Variants in PPM1L observed in about 807,000 individuals in gnomAD.
PPM1L encodes the protein protein phosphatase 1L.
Under a neutral mutation model 31.4 loss-of-function variants are expected in PPM1L, and 13 were observed. That is an observed-to-expected ratio of 0.41 (90% CI 0.27 to 0.66). The LOEUF is 0.66. Ranked by LOEUF, PPM1L falls within the 30% of genes least tolerant of loss-of-function variation. The pLI is 0.29. For synonymous variants in PPM1L, 184 were observed against 175.4 expected, an observed-to-expected ratio of 1.05 and a Z score of -0.39; for missense variants, 326 against 453.7, an observed-to-expected ratio of 0.72 and a Z score of 2.56.
At chr3:160,940,561 G>A (rs1448382072) in intron 1 of PPM1L, among the ~76,000 whole-genome samples, 1 of 152,222 alleles carries the variant, frequency 6.6e-6, no homozygotes, top group Non-Finnish European at 1.5e-5. Flanking sequence ...TACAGCTCGG[G>A]CTGTGGCTTC....
chr3:161,013,875 G>C (rs1008628406), intron 2 of PPM1L, among the ~76,000 whole-genome samples: 2 of 151,966 alleles, frequency 1.3e-5, no homozygotes, highest in Non-Finnish European at 2.9e-5. Flanking sequence ...CATTTGCTTG[G>C]TAGATCTTCC....
chr3:160,950,936 A>G (rs1267575552), intron 1 of PPM1L, among the ~76,000 whole-genome samples: 2 of 152,242 alleles, frequency 1.3e-5, no homozygotes, highest in Non-Finnish European at 2.9e-5. Context: ...TCTATAGCCC[A>G]AGATTCAGAA....
intron 2 of PPM1L, among the ~76,000 whole-genome samples, chr3:161,023,785 C>T (rs965072495): frequency 6.6e-6 from 1 of 152,010 alleles, no homozygotes; most frequent in African/African-American, 2.4e-5. Context: ...GTGTATGGGC[C>T]GTACTTTCCT....
At chr3:160,798,834 G>A (rs1712340404) in intron 1 of PPM1L, among the ~76,000 whole-genome samples, 1 of 152,174 alleles carries the variant, frequency 6.6e-6, no homozygotes, top group Non-Finnish European at 1.5e-5. Context: ...ATGGATCTGG[G>A]CAAAGCACAT....
chr3:160,871,761 C>CT (rs552676430), intron 1 of PPM1L, among the ~76,000 whole-genome samples: 354 of 147,716 alleles, frequency 2.4e-3, no homozygotes, highest in South Asian at 0.017. Context: ...TGTCTCCTTC[C>CT]TTTTTTTTTT....
intron 1 of PPM1L, among the ~76,000 whole-genome samples, chr3:160,891,941 A>G (rs141420236): frequency 0.01 from 1,570 of 152,296 alleles, 27 homozygotes; most frequent in African/African-American, 0.036. Context: ...CTGGGAGTTG[A>G]ATAATGAGAA....
At chr3:160,862,656 G>GCA (rs1201721869) in intron 1 of PPM1L, among the ~76,000 whole-genome samples, 4 of 82,322 alleles carry the variant, frequency 4.9e-5, no homozygotes, top group South Asian at 4.9e-4. Flanking sequence ...CTAATCCTAG[G>GCA]CACACGCACA....
At chr3:161,063,080 A>AT (rs1022181666) in intron 2 of PPM1L, among the ~76,000 whole-genome samples, 21 of 152,176 alleles carry the variant, frequency 1.4e-4, no homozygotes, top group Non-Finnish European at 2.9e-4. Context: ...CAATCTTTCT[A>AT]TTTTACCTTT....
Position 160,887,520 on chromosome 3 carries a change from G to A in PPM1L, c.400-74216G>A, listed in dbSNP as rs575933162. 2.6e-5 allele frequency among the ~76,000 whole-genome samples: 4 copies of A among 151,514 alleles called. No individual in the cohort carries two copies. In the South Asian group the frequency reaches 8.3e-4, roughly 32 times the overall value. On this transcript the variant is annotated intron_variant, in intron 1 of 3. Coordinates refer to ENST00000498165, the MANE Select transcript of PPM1L (RefSeq NM_139245.4). ...AGGGAAGCCCATCAGATTAACAGCA[G>A]ATCTCTCAGCAGAAACTCTACAAGC...
chr3:160,967,950 A>G (rs1159166187), intron 2 of PPM1L, among the ~76,000 whole-genome samples: 5 of 152,096 alleles, frequency 3.3e-5, no homozygotes, highest in South Asian at 2.1e-4. Flanking sequence ...TCAAATAGCT[A>G]TAATATCTGC....
intron 2 of PPM1L, among the ~76,000 whole-genome samples, chr3:161,054,477 A>G (rs1180452544): frequency 6.6e-6 from 1 of 152,104 alleles, no homozygotes; most frequent in African/African-American, 2.4e-5. Context: ...GGACGGCACC[A>G]TTCACACTGT....
chr3:161,000,390 C>G (rs1007536550), intron 2 of PPM1L, among the ~76,000 whole-genome samples: 2 of 152,136 alleles, frequency 1.3e-5, no homozygotes, highest in Admixed American at 1.3e-4. Flanking sequence ...GGAATGTGAT[C>G]CAGCAGAGAA....
chr3:161,032,866 A>ATTTTT (rs61145165), intron 2 of PPM1L, among the ~76,000 whole-genome samples: 11 of 107,324 alleles, frequency 1.0e-4, no homozygotes, highest in South Asian at 3.1e-4. Context: ...CTAATTTTGT[A>ATTTTT]TTTTTTTTTT....
chr3:160,968,192 A>G (rs1716217171), intron 2 of PPM1L, among the ~76,000 whole-genome samples: 2 of 150,378 alleles, frequency 1.3e-5, no homozygotes, highest in South Asian at 2.1e-4. Flanking sequence ...GCTATCATTC[A>G]TGGATCCTCA....
intron 1 of PPM1L, among the ~76,000 whole-genome samples, chr3:160,885,691 G>C (rs1014082373): frequency 1.3e-5 from 2 of 152,212 alleles, no homozygotes; most frequent in African/African-American, 2.4e-5. Context: ...GGGAAACTGA[G>C]CATTATCCAC....
At chr3:160,968,738 C>T (rs573156476) in intron 2 of PPM1L, among the ~76,000 whole-genome samples, 3 of 152,170 alleles carry the variant, frequency 2.0e-5, no homozygotes, top group South Asian at 2.1e-4. Flanking sequence ...GCCATGGGAG[C>T]GGAAGTCTGG....
chr3:160,878,035 G>C (rs1265964864), intron 1 of PPM1L, among the ~76,000 whole-genome samples: 1 of 152,164 alleles, frequency 6.6e-6, no homozygotes, highest in Non-Finnish European at 1.5e-5. Flanking sequence ...TTTGGGGGTT[G>C]CTTTTCATTA....
Position 160,977,450 on chromosome 3 carries a change from C to T in PPM1L, c.574+15540C>T, listed in dbSNP as rs895393892. ...AGATGAGTTAGAAGTCTGCTTCCTT[C>T]GAATTTATTGCTAATCTTTGACTTC... On this transcript the variant is annotated intron_variant, in intron 2 of 3. Coordinates refer to ENST00000498165, the MANE Select transcript of PPM1L (RefSeq NM_139245.4). 2.6e-5 allele frequency among the ~76,000 whole-genome samples: 4 copies of T among 152,144 alleles called. No homozygotes were observed. In the East Asian group the frequency reaches 5.8e-4, roughly 22 times the overall value.
intron 2 of PPM1L, among the ~76,000 whole-genome samples, chr3:161,053,091 A>C (rs934944466): frequency 6.6e-6 from 1 of 152,266 alleles, no homozygotes; most frequent in Non-Finnish European, 1.5e-5. Flanking sequence ...AAGACGTGAA[A>C]AAATATAGCT....
Sources: gnomAD v4.1 joint callset for allele counts (sites outside exome capture counted in the v4.1 genomes callset) on GRCh38, gnomAD v4.1.1 for gene constraint, MANE v1.5 for transcripts, NCBI Gene and HGNC (gene_info 2026-07-23, HGNC 2026-07-21) for gene names.